XPA: variants seen among roughly 807,000 people sequenced by gnomAD.
XPA encodes DNA repair protein complementing XP-A cells.
XPA carries 27 observed loss-of-function variants against 35.7 expected under a neutral mutation model. The ratio of observed to expected loss-of-function variants is 0.76; its 90% CI spans 0.56 to 1.04. XPA has a LOEUF of 1.04. Ranked by LOEUF, XPA falls within the 50% of genes least tolerant of loss-of-function variation. The pLI, the probability that XPA is intolerant of heterozygous loss-of-function variation, is 0.00. For synonymous variants in XPA, 133 were observed against 118.4 expected (o/e 1.12, Z -0.80); for missense variants, 354 against 342.7 (o/e 1.03, Z -0.26).
At chr9:97,660,662 C>T in the XPA span, among the ~76,000 whole-genome samples, 2 of 152,168 alleles carry the variant, frequency 1.3e-5, no homozygotes, top group African/African-American at 4.8e-5. Flanking sequence ...TACCATTCAT[C>T]TTGAGGATGA....
intron 2 of XPA, 143 bp from the exon 3 acceptor site, chr9:97,689,782 T>C: frequency 2.0e-6 from 1 of 490,104 alleles, no homozygotes; most frequent in Non-Finnish European, 3.5e-6. Context: ...CTTATGTTTA[T>C]CTAAAAAAAA....
intron 5 of XPA, among the ~76,000 whole-genome samples, chr9:97,681,234 A>C (rs1828527753): frequency 1.3e-5 from 2 of 152,200 alleles, no homozygotes; most frequent in African/African-American, 4.8e-5. Context: ...GAGAGACAAG[A>C]TACTTCTAAA....
At chr9:97,658,505 T>A in the XPA span, 1 of 674,376 alleles carries the variant, frequency 1.5e-6, no homozygotes, top group Non-Finnish European at 2.6e-6. Flanking sequence ...CTCAAAGGAT[T>A]TTTTTTTCCC....
the XPA span, among the ~76,000 whole-genome samples, chr9:97,661,648 G>C: frequency 6.6e-6 from 1 of 151,092 alleles, no homozygotes; most frequent in Non-Finnish European, 1.5e-5. Flanking sequence ...TATGATATTA[G>C]AGAAAATGAG....
chr9:97,677,372 A>G (rs1274481738), intron 5 of XPA, among the ~76,000 whole-genome samples: 1 of 152,166 alleles, frequency 6.6e-6, no homozygotes, highest in African/African-American at 2.4e-5. Flanking sequence ...ATTCCTAGAA[A>G]AACTTGTGCC....
chr9:97,692,587 A>G (rs1828927079), intron 2 of XPA, among the ~76,000 whole-genome samples: 1 of 152,232 alleles, frequency 6.6e-6, no homozygotes, highest in Non-Finnish European at 1.5e-5. Flanking sequence ...AATACCAATT[A>G]GGAAGCTATT....
At chr9:97,693,594 GC>G in intron 2 of XPA, 54 bp downstream of exon 2, 1 of 1,416,206 alleles carries the variant, frequency 7.1e-7, no homozygotes, top group Non-Finnish European at 1.0e-6. Context: ...ATAGAATTAT[GC>G]ATGTTACTCA....
chr9:97,682,481 T>G, intron 5 of XPA: 1 of 518,338 alleles, frequency 1.9e-6, no homozygotes, highest in South Asian at 1.4e-5. Flanking sequence ...CACACTGACC[T>G]CTCTGCACAT....
Position 97,684,998 on chromosome 9 carries a change from A to T in XPA, c.598T>A (p.Leu200Ile). The change falls in exon 5 of 6, where the codon TTA becomes ATA. Residue 200 changes from leucine to isoleucine, a missense_variant. By Grantham distance (5) the Leu-to-Ile change is conservative. Coordinates refer to ENST00000375128, the MANE Select transcript of XPA (RefSeq NM_000380.4). ...TGTCGGACTTCCTTTGCTTCTTCTA[A>T]TGCTTCTTGACTACCCCAAACTTCA... The part of the protein sequence containing the change: ...SLEVWGSQEA[L>I]EEAKEVRQEN... 6 of 1,613,546 alleles carry T rather than the reference A, an allele frequency of 3.7e-6. No individual in the cohort carries two copies. Among genetic ancestry groups the T allele is most frequent in the Non-Finnish European group, 5.1e-6 (6 of 1,179,818 alleles).
chr9:97,692,851 C>T (rs1433957516), intron 2 of XPA, among the ~76,000 whole-genome samples: 1 of 152,004 alleles, frequency 6.6e-6, no homozygotes, highest in Non-Finnish European at 1.5e-5. Context: ...GAAACCATCC[C>T]CAGCCACCCC....
intron 5 of XPA, among the ~76,000 whole-genome samples, chr9:97,678,395 G>A (rs1828433176): frequency 6.6e-6 from 1 of 151,888 alleles, no homozygotes; most frequent in Admixed American, 6.6e-5. Context: ...AGCAATACTA[G>A]GTCTCAAAAG....
intron 2 of XPA, among the ~76,000 whole-genome samples, 155 bp from the exon 3 acceptor site, chr9:97,689,794 A>G (rs1828830838): frequency 6.6e-6 from 1 of 152,198 alleles, no homozygotes; most frequent in African/African-American, 2.4e-5. Context: ...TAAAAAAAAA[A>G]ATTAAAGAGG....
chr9:97,688,875 C>G (rs541563834), intron 3 of XPA, among the ~76,000 whole-genome samples: 1 of 152,250 alleles, frequency 6.6e-6, no homozygotes, highest in South Asian at 2.1e-4. Flanking sequence ...AAAGTAAGCA[C>G]AGGGAACAGG....
At chr9:97,660,750 G>A in the XPA span, among the ~76,000 whole-genome samples, 20 of 152,178 alleles carry the variant, frequency 1.3e-4, no homozygotes, top group Admixed American at 1.1e-3. Flanking sequence ...CCCTTTTTAG[G>A]TGAAAAACCA....
chr9:97,683,340 G>A (rs1373505056), intron 5 of XPA, among the ~76,000 whole-genome samples: 2 of 152,102 alleles, frequency 1.3e-5, no homozygotes, highest in African/African-American at 4.8e-5. Flanking sequence ...AGATTAAAGG[G>A]CCAAATTCAT....
At chr9:97,664,475 C>T in the XPA span, 161 of 1,439,958 alleles carry the variant, frequency 1.1e-4, 3 homozygotes, top group East Asian at 3.5e-3. Context: ...AACTTGTGTT[C>T]CCTAAGAATT....
downstream of XPA, among the ~76,000 whole-genome samples, chr9:97,674,241 GC>G (rs1346354552): frequency 6.6e-6 from 1 of 151,840 alleles, no homozygotes; most frequent in East Asian, 1.9e-4. Flanking sequence ...ACATCTTGCT[GC>G]CCATTCAGAA....
the XPA span, chr9:97,666,930 G>GAATCCTCTCCAGAGTTTCT: frequency 3.1e-6 from 4 of 1,276,166 alleles, no homozygotes; most frequent in Non-Finnish European, 4.4e-6. Context: ...CAGAAACTCT[G>GAATCCTCTCCAGAGTTTCT]GAGAGGATTC....
At chr9:97,676,944 CCTTTAAATTTTA>C (rs1828385586) in intron 5 of XPA, among the ~76,000 whole-genome samples, 1 of 152,118 alleles carries the variant, frequency 6.6e-6, no homozygotes, top group Admixed American at 6.5e-5. Context: ...TGCCCTCCTT[CCTTTAAATTTTA>C]CTTAGGATAT....
Sources: gnomAD v4.1 joint callset for allele counts (sites outside exome capture counted in the v4.1 genomes callset) on GRCh38, gnomAD v4.1.1 for gene constraint, MANE v1.5 for transcripts, NCBI Gene and HGNC (gene_info 2026-07-23, HGNC 2026-07-21) for gene names.